Variants in RNLS observed in about 807,000 individuals in gnomAD.
RNLS encodes the protein renalase, FAD dependent amine oxidase.
RNLS carries 39 observed loss-of-function variants against 39.8 expected under a neutral mutation model. The ratio of observed to expected loss-of-function variants is 0.98; its 90% CI spans 0.76 to 1.28. The LOEUF (loss-of-function observed/expected upper bound fraction) is 1.28. Among genes scored for constraint, RNLS ranks in the 50% most tolerant of loss-of-function variants. The pLI is 0.00. For missense variants in RNLS, 410 were observed against 413.3 expected, an observed-to-expected ratio of 0.99 and a Z score of 0.07; for synonymous variants, 147 against 150.7, an observed-to-expected ratio of 0.98 and a Z score of 0.18.
the RNLS span, among the ~76,000 whole-genome samples, chr10:88,202,157 A>G: frequency 6.6e-6 from 1 of 152,090 alleles, no homozygotes; most frequent in Admixed American, 6.6e-5. Flanking sequence ...AGGGACATGA[A>G]TGAAGCTGGA....
At chr10:88,413,526 T>C (rs1482019912) in intron 4 of RNLS, among the ~76,000 whole-genome samples, 2 of 152,230 alleles carry the variant, frequency 1.3e-5, no homozygotes, top group Non-Finnish European at 2.9e-5. Context: ...AACTGGATCT[T>C]ACGTCATCCC....
chr10:88,556,211 G>T (rs563313190), intron 4 of RNLS, among the ~76,000 whole-genome samples: 3 of 152,220 alleles, frequency 2.0e-5, no homozygotes, highest in East Asian at 3.9e-4. Context: ...CACTGTCACA[G>T]TCCATATCTA....
At chr10:88,242,003 T>G in the RNLS span, among the ~76,000 whole-genome samples, 1 of 152,224 alleles carries the variant, frequency 6.6e-6, no homozygotes, top group South Asian at 2.1e-4. Flanking sequence ...ATGTTTTATG[T>G]GTCTGCCTGC....
At chr10:88,562,119 A>G (rs906784035) in intron 4 of RNLS, among the ~76,000 whole-genome samples, 1 of 152,186 alleles carries the variant, frequency 6.6e-6, no homozygotes, top group African/African-American at 2.4e-5. Context: ...TTTGGAAGGT[A>G]ATATGGCAAT....
chr10:88,297,855 G>A (rs1844201144), intron 6 of RNLS, among the ~76,000 whole-genome samples: 1 of 152,182 alleles, frequency 6.6e-6, no homozygotes, highest in South Asian at 2.1e-4. Flanking sequence ...ACATCTAGGA[G>A]TGGAATTGCT....
Position 88,284,468 on chromosome 10 carries a change from C to A in RNLS, c.*886G>T. 3 of 985,316 alleles carry A rather than the reference C, an allele frequency of 3.0e-6. No homozygotes were observed. Among genetic ancestry groups the A allele is most frequent in the African/African-American group, 1.7e-5 (1 of 57,324 alleles). The allele number at this position is 985,316 out of a possible 1,614,324, so 61.0% of individuals were successfully genotyped here. On this transcript the variant is annotated 3_prime_UTR_variant, in exon 7 of 7. Transcript: ENST00000331772. ...GAAGCATGTGGGTGATATGCTGAAC[C>A]ACCAACTTGGCAAATATTGAACTAT...
At chr10:88,478,712 A>G (rs1843964799) in intron 4 of RNLS, among the ~76,000 whole-genome samples, 1 of 152,124 alleles carries the variant, frequency 6.6e-6, no homozygotes, top group Non-Finnish European at 1.5e-5. Context: ...ACAACTTATA[A>G]TATACTCTGT....
At chr10:88,515,060 C>CGG (rs1295216634) in intron 4 of RNLS, among the ~76,000 whole-genome samples, 1 of 145,424 alleles carries the variant, frequency 6.9e-6, no homozygotes, top group East Asian at 2.0e-4. Flanking sequence ...ATAATGGCTA[C>CGG]ATTTTTTTTC....
chr10:88,356,366 C>T (rs978557638), intron 5 of RNLS, among the ~76,000 whole-genome samples: 3 of 152,116 alleles, frequency 2.0e-5, no homozygotes, highest in Non-Finnish European at 2.9e-5. Context: ...AACTGCCCCC[C>T]GATTCAATTC....
At chr10:88,451,021 G>C (rs1330542275) in intron 4 of RNLS, among the ~76,000 whole-genome samples, 1 of 152,048 alleles carries the variant, frequency 6.6e-6, no homozygotes, top group African/African-American at 2.4e-5. Flanking sequence ...CCTAAACCTG[G>C]GACTAGCAGG....
the RNLS span, among the ~76,000 whole-genome samples, chr10:88,215,527 C>G: frequency 1.5e-4 from 23 of 152,084 alleles, no homozygotes; most frequent in Non-Finnish European, 2.9e-4. Flanking sequence ...CTCTGATGGA[C>G]CAACTCTGGA....
intron 5 of RNLS, among the ~76,000 whole-genome samples, chr10:88,318,249 A>G (rs1416864474): frequency 6.6e-6 from 1 of 152,156 alleles, no homozygotes; most frequent in African/African-American, 2.4e-5. Context: ...GAGCTGTGGG[A>G]GCCCTGGAGA....
rs566300994 is a variant in RNLS, at chr10:88,303,694, T to C, written c.876+10772A>G. 5.0e-4 allele frequency among the ~76,000 whole-genome samples: 76 copies of C among 152,258 alleles called. 1 individual carries two copies. Among genetic ancestry groups the C allele is most frequent in the African/African-American group, 1.7e-3 (69 of 41,554 alleles). ...CAATCACCATTGCAGACAGCCTTGA[T>C]GGGCACAAAACCAGCCAGCCTTACC... On this transcript the variant is annotated intron_variant, in intron 6 of 6. Transcript: ENST00000331772.
intron 4 of RNLS, among the ~76,000 whole-genome samples, chr10:88,510,151 G>C (rs1315560769): frequency 6.6e-6 from 1 of 152,034 alleles, no homozygotes; most frequent in African/African-American, 2.4e-5. Flanking sequence ...TAGGCTTTTA[G>C]ATGAAGGACC....
chr10:88,437,437 A>G (rs1207459287), intron 4 of RNLS, among the ~76,000 whole-genome samples: 3 of 152,248 alleles, frequency 2.0e-5, no homozygotes, highest in African/African-American at 7.2e-5. Context: ...TCTTATAATA[A>G]GAATTATTAC....
intron 4 of RNLS, among the ~76,000 whole-genome samples, chr10:88,370,194 G>T (rs1850441052): frequency 6.6e-6 from 1 of 152,020 alleles, no homozygotes; most frequent in Admixed American, 6.6e-5. Context: ...AGAATATTTT[G>T]CAATTTATAA....
chr10:88,201,285 A>G, the RNLS span, among the ~76,000 whole-genome samples: 1 of 152,164 alleles, frequency 6.6e-6, no homozygotes, highest in African/African-American at 2.4e-5. Context: ...CATTCCTTCC[A>G]TGGACCAGTG....
the RNLS span, among the ~76,000 whole-genome samples, chr10:88,267,830 T>C: frequency 1.3e-5 from 2 of 152,148 alleles, no homozygotes; most frequent in East Asian, 1.9e-4. Context: ...TGAGAAGTCA[T>C]GTGATTCAGT....
chr10:88,332,500 T>C (rs544817103), intron 5 of RNLS, among the ~76,000 whole-genome samples: 2 of 152,378 alleles, frequency 1.3e-5, no homozygotes, highest in South Asian at 4.1e-4. Context: ...TATTAATTGA[T>C]AAAAGCAGTT....
Sources: gnomAD v4.1 joint callset for allele counts (sites outside exome capture counted in the v4.1 genomes callset) on GRCh38, gnomAD v4.1.1 for gene constraint, MANE v1.5 for transcripts, NCBI Gene and HGNC (gene_info 2026-07-23, HGNC 2026-07-21) for gene names.